The following STK3 variants were observed in gnomAD, a reference collection of about 807,000 sequenced individuals.
STK3 encodes the protein serine/threonine kinase 3.
STK3 carries 41 observed loss-of-function variants against 58.0 expected under a neutral mutation model. That is an observed-to-expected ratio of 0.71 (90% confidence interval 0.55 to 0.92). STK3 has a LOEUF of 0.92. Among genes scored for constraint, STK3 ranks in the 40% least tolerant of loss-of-function variants. The probability of loss-of-function intolerance (pLI) is 0.00; values close to 1 mark genes in which losing one functional copy is unlikely to be tolerated. For synonymous variants in STK3, 170 were observed against 191.0 expected (o/e 0.89, Z 0.91); for missense variants, 479 against 602.7 (o/e 0.79, Z 2.15).
chr8:98,452,649 G>C (rs981467714), downstream of STK3, among the ~76,000 whole-genome samples: 2 of 151,940 alleles, frequency 1.3e-5, no homozygotes, highest in African/African-American at 2.4e-5. Flanking sequence ...TTTTTGGAAA[G>C]TTCCCAGCAA....
chr8:98,550,223 T>A (rs1432389421), intron 8 of STK3, among the ~76,000 whole-genome samples: 3 of 152,094 alleles, frequency 2.0e-5, no homozygotes. Context: ...CCTTTCCTCT[T>A]CCTAAACCTA....
At chr8:98,484,586 C>T (rs986064968) in intron 10 of STK3, among the ~76,000 whole-genome samples, 5 of 151,676 alleles carry the variant, frequency 3.3e-5, no homozygotes, top group African/African-American at 9.7e-5. Context: ...TGTGACTAAA[C>T]GATTTCACCA....
chr8:98,347,532 ACC>A, the STK3 span, among the ~76,000 whole-genome samples: 76 of 142,964 alleles, frequency 5.3e-4, 1 homozygote, highest in African/African-American at 1.8e-3. Flanking sequence ...AACAAAAAAA[ACC>A]AAAAAAAACC....
chr8:98,895,723 A>G (rs1838419644), intron 1 of STK3, among the ~76,000 whole-genome samples: 1 of 152,082 alleles, frequency 6.6e-6, no homozygotes, highest in Admixed American at 6.6e-5. Flanking sequence ...GTCCTTGATG[A>G]TCACTTAGCT....
intron 6 of STK3, among the ~76,000 whole-genome samples, chr8:98,676,401 G>A (rs1209079365): frequency 6.6e-6 from 1 of 152,164 alleles, no homozygotes. Flanking sequence ...CCGAGGTCAG[G>A]AGTTAGAGAC....
chr8:98,695,500 A>T (rs1291466251), intron 6 of STK3, among the ~76,000 whole-genome samples: 3 of 152,180 alleles, frequency 2.0e-5, no homozygotes, highest in African/African-American at 7.2e-5. Flanking sequence ...TAAGTCTTTA[A>T]TCCATCTTGA....
rs1207441659 is a variant in STK3 at position 98,701,590 on chromosome 8, C to T, written c.684+4877G>A. 9.9e-5 allele frequency among the ~76,000 whole-genome samples: 15 copies of T among 151,612 alleles called. No homozygotes were observed. In the South Asian group the frequency reaches 2.9e-3, roughly 30 times the overall value. On this transcript the variant is annotated intron_variant, in intron 6 of 10. Transcript: ENST00000419617. ...AGCAAGCCAAGACTGCCACCGTACT[C>T]CAGCCCAGACAACAGAGCGAGACTT...
intron 1 of STK3, among the ~76,000 whole-genome samples, chr8:98,893,969 C>T (rs1192474462): frequency 6.6e-6 from 1 of 152,134 alleles, no homozygotes; most frequent in Non-Finnish European, 1.5e-5. Flanking sequence ...CCAAGTATAC[C>T]CTTTTACCTA....
At chr8:98,444,443 G>T (rs1354248652) in intron 1 of STK3, among the ~76,000 whole-genome samples, 2 of 152,206 alleles carry the variant, frequency 1.3e-5, no homozygotes, top group Admixed American at 6.5e-5. Flanking sequence ...CGACTGAGGA[G>T]GAACAAGCCT....
Position 98,742,564 on chromosome 8 carries a change from T to C in STK3, c.351+6712A>G, listed in dbSNP as rs1416376449. 8.9e-5 allele frequency among the ~76,000 whole-genome samples: 11 copies of C among 123,224 alleles called. 3 individuals are homozygous for C. The highest frequency in any genetic ancestry group is 1.6e-4 in the Non-Finnish European group (9 of 57,456). The allele number at this position is 123,224 out of a possible 152,430, so 80.8% of individuals were successfully genotyped here. A position where few individuals can be genotyped will look rare whatever the true frequency, so the allele number is the denominator to read the frequency against. The stretch of plus-strand genomic sequence containing the variant: ...TGCTAAAAACTCTCAATAAATTATG[T>C]ATCGATGGGACATATCTCAAAATAA... On this transcript the variant is annotated intron_variant, in intron 4 of 10. Transcript: ENST00000419617.
At chr8:98,606,922 C>T (rs1816821172) in intron 6 of STK3, among the ~76,000 whole-genome samples, 2 of 152,176 alleles carry the variant, frequency 1.3e-5, no homozygotes, top group South Asian at 2.1e-4. Flanking sequence ...GAATGTATAA[C>T]CATTTAGTCA....
chr8:98,888,468 G>A (rs909424883), intron 1 of STK3, among the ~76,000 whole-genome samples: 41 of 152,268 alleles, frequency 2.7e-4, no homozygotes, highest in African/African-American at 8.7e-4. Context: ...CTGATTTATA[G>A]GGCCAAGGTT....
intron 3 of STK3, among the ~76,000 whole-genome samples, chr8:98,755,927 G>A (rs1423648953): frequency 6.6e-6 from 1 of 152,124 alleles, no homozygotes; most frequent in East Asian, 1.9e-4. Flanking sequence ...GAATCATGAG[G>A]TCAAGAGATC....
intron 3 of STK3, among the ~76,000 whole-genome samples, chr8:98,843,787 C>T (rs868659931): frequency 6.6e-6 from 1 of 152,100 alleles, no homozygotes; most frequent in Non-Finnish European, 1.5e-5. Flanking sequence ...GAGGCTGAGG[C>T]GGGTGGATCA....
Position 98,800,574 on chromosome 8 carries a change from G to A in STK3, c.26+24941C>T, listed in dbSNP as rs528660508. 9.7e-4 allele frequency among the ~76,000 whole-genome samples: 148 copies of A among 152,320 alleles called. 2 individuals carry two copies. The highest frequency in any genetic ancestry group is 3.0e-3 in the African/African-American group (124 of 41,574). ...GCCGGAGCCGGCTCCCTCTGCTTGC[G>A]GGAAGGTGTGGAGGGAGAAGCGTGG... is the stretch of plus-strand genomic sequence containing the variant. On this transcript the variant is annotated intron_variant, in intron 1 of 10. Transcript: ENST00000419617. This position sits in a 1 kb window ranked among gnomAD's most constrained non-coding sequence, Gnocchi z 4.8.
At chr8:98,408,250 G>A (rs1424929079) in intron 3 of STK3, among the ~76,000 whole-genome samples, 3 of 152,110 alleles carry the variant, frequency 2.0e-5, no homozygotes, top group Non-Finnish European at 4.4e-5. Flanking sequence ...TAGTGAGGAT[G>A]GAATTAAATA....
chr8:98,853,565 AT>A (rs1247596460), intron 3 of STK3, among the ~76,000 whole-genome samples: 3 of 152,214 alleles, frequency 2.0e-5, no homozygotes, highest in African/African-American at 7.2e-5. Flanking sequence ...GCTAATGCAC[AT>A]TCTGGCTTCT....
At chr8:98,439,282 C>A (rs1056807231) in intron 1 of STK3, 1 of 152,156 alleles carries the variant, frequency 6.6e-6, no homozygotes, top group Non-Finnish European at 1.5e-5. Context: ...TGTCATTGCC[C>A]TTCTGGATAA....
At chr8:98,772,516 T>C (rs1346681091) in intron 2 of STK3, among the ~76,000 whole-genome samples, 2 of 151,966 alleles carry the variant, frequency 1.3e-5, no homozygotes, top group East Asian at 1.9e-4. Context: ...CTGGCCAACA[T>C]TGTGAAACCT....
Sources: allele counts gnomAD v4.1 joint callset (sites outside exome capture counted in the v4.1 genomes callset), GRCh38; gene constraint gnomAD v4.1.1; non-coding constraint Gnocchi (gnomAD v3.1); transcripts MANE v1.5; gene names NCBI Gene and HGNC (gene_info 2026-07-23, HGNC 2026-07-21).